Variants in LVRN observed in about 807,000 individuals in gnomAD.
LVRN encodes aminopeptidase Q.
LVRN carries 99 observed loss-of-function variants against 111.4 expected under a neutral mutation model. The observed-to-expected ratio is 0.89, with a 90% CI of 0.76 to 1.05. The LOEUF (loss-of-function observed/expected upper bound fraction) is 1.05, where lower values mean the gene tolerates loss of function less well. Ranked by LOEUF, LVRN falls within the 50% of genes least tolerant of loss-of-function variation. The pLI, the probability that LVRN is intolerant of heterozygous loss-of-function variation, is 0.00. For missense variants in LVRN, 1,414 were observed against 1,206.8 expected, an observed-to-expected ratio of 1.17 and a Z score of -2.54; for synonymous variants, 488 against 449.5, an observed-to-expected ratio of 1.09 and a Z score of -1.08.
chr5:115,973,477 G>C (rs140185095), intron 1 of LVRN, among the ~76,000 whole-genome samples: 3,068 of 152,136 alleles, frequency 0.02, 33 homozygotes, highest in Non-Finnish European at 0.03. Context: ...ATATAAAATT[G>C]GTAATATTTC....
At chr5:115,979,977 C>T (rs1207697627) in intron 1 of LVRN, among the ~76,000 whole-genome samples, 2 of 152,036 alleles carry the variant, frequency 1.3e-5, no homozygotes, top group Admixed American at 6.6e-5. Flanking sequence ...TTCTTGACCA[C>T]AAAGAAAGCA....
At chr5:115,989,877 T>C (rs1184093666) in intron 4 of LVRN, among the ~76,000 whole-genome samples, 1 of 152,214 alleles carries the variant, frequency 6.6e-6, no homozygotes, top group East Asian at 1.9e-4. Context: ...CTAATGTTTC[T>C]TAATTGCTTT....
Position 115,979,385 on chromosome 5 carries a change from G to T in LVRN, c.696-3902G>T, listed in dbSNP as rs571160623. Among the ~76,000 whole-genome samples, 5 of 152,134 alleles carry T rather than the reference G, an allele frequency of 3.3e-5. No homozygotes were observed. The South Asian group carries it at 8.4e-4, about 26-fold the overall frequency. On this transcript the variant is annotated intron_variant, in intron 1 of 19. Transcript: ENST00000357872. ...TCTCCTCCAAGCCCATAGTTAGAAG[G>T]TTGCCCCTCCTCCCAACTCCCTGAG...
At chr5:116,004,251 C>CA (rs1748308959) in intron 12 of LVRN, among the ~76,000 whole-genome samples, 1 of 152,184 alleles carries the variant, frequency 6.6e-6, no homozygotes, top group African/African-American at 2.4e-5. Context: ...AGTAACTATG[C>CA]AGTGTATAAA....
intron 10 of LVRN, among the ~76,000 whole-genome samples, 194 bp downstream of exon 10, chr5:116,001,433 C>T (rs907243951): frequency 6.6e-6 from 1 of 152,178 alleles, no homozygotes; most frequent in African/African-American, 2.4e-5. Context: ...ATTCAAGACA[C>T]AGTGCCCCTA....
intron 18 of LVRN, among the ~76,000 whole-genome samples, chr5:116,017,624 A>C (rs959082153): frequency 2.6e-5 from 4 of 152,226 alleles, no homozygotes; most frequent in Non-Finnish European, 5.9e-5. Context: ...AATCAGATCA[A>C]TCTTAGGATG....
rs779099047 is a variant in LVRN, at chr5:115,963,231, A to T, written c.614A>T (p.Gln205Leu). The change falls in exon 1 of 20, where the codon CAG becomes CTG. Residue 205 changes from glutamine (Q) to leucine (L), a missense_variant. By Grantham distance (113) the Gln-to-Leu change is moderately radical (BLOSUM62 -2). Transcript: ENST00000357872. ...AAACCTGGTAGCAGCTACGAGCTGCAGCTTAGCTTCTCGGGCCTGGTGAAG... is the reference window on the plus strand; with the variant it reads ...AAACCTGGTAGCAGCTACGAGCTGCTGCTTAGCTTCTCGGGCCTGGTGAAG... ...PLKPGSSYEL[Q>L]LSFSGLVKED... The T allele has an allele frequency of 3.1e-6, 5 of 1,612,894 alleles. No individual in the cohort carries two copies. The highest frequency in any genetic ancestry group is 4.2e-6 in the Non-Finnish European group (5 of 1,179,886).
At chr5:116,018,534 T>C (rs1580401512) in intron 18 of LVRN, among the ~76,000 whole-genome samples, 1 of 152,110 alleles carries the variant, frequency 6.6e-6, no homozygotes, top group East Asian at 1.9e-4. Context: ...TAGCCAGGCA[T>C]GGTGGCACAT....
Position 116,015,746 on chromosome 5 carries a change from TG to T in LVRN, c.2739del (p.Trp913CysfsTer4). 6.2e-7 allele frequency: 1 copy of T among 1,613,462 alleles called. No individual in the cohort carries two copies. Among genetic ancestry groups the T allele is most frequent in the Non-Finnish European group, 8.5e-7 (1 of 1,179,598 alleles). Reference sequence around the variant, plus strand: ...CGCAAAAGACTTCTTAGTCAACAACTGGCAAGCTGTGAGTAAAAGGTAAGAA... The same window carrying T: ...CGCAAAAGACTTCTTAGTCAACAACTGCAAGCTGTGAGTAAAAGGTAAGAA... The part of the protein sequence containing the change: ...YVAKDFLVNN[W>X]QAVSKRYGTQ... On this transcript the variant is annotated frameshift_variant, in exon 18 of 20. Transcript: ENST00000357872. LOFTEE classifies it high-confidence loss of function.
chr5:115,993,468 T>C (rs573724440), intron 5 of LVRN, among the ~76,000 whole-genome samples: 1 of 152,344 alleles, frequency 6.6e-6, no homozygotes, highest in Non-Finnish European at 1.5e-5. Flanking sequence ...AATGCTATTC[T>C]AGCTGACCTT....
intron 15 of LVRN, among the ~76,000 whole-genome samples, chr5:116,012,739 T>C (rs1337002330): frequency 6.6e-6 from 1 of 152,224 alleles, no homozygotes; most frequent in African/African-American, 2.4e-5. Flanking sequence ...TGGTTGAAAT[T>C]ATAAATGTGT....
intron 18 of LVRN, chr5:116,021,643 A>T (rs1345961014): frequency 2.5e-6 from 1 of 393,990 alleles, no homozygotes; most frequent in Non-Finnish European, 4.9e-6. Context: ...TAACTATTCA[A>T]CTGTCTCTTG....
chr5:116,020,330 A>G (rs1288136966), intron 18 of LVRN, among the ~76,000 whole-genome samples: 2 of 152,210 alleles, frequency 1.3e-5, no homozygotes, highest in Non-Finnish European at 2.9e-5. Context: ...TGATGAAGCA[A>G]TAGTATTTTT....
Position 116,005,421 on chromosome 5 carries a change from G to T in LVRN, c.2038-491G>T, listed in dbSNP as rs549505649. Among the ~76,000 whole-genome samples, 45 of 152,328 alleles carry T rather than the reference G, an allele frequency of 3.0e-4. 1 individual carries two copies. Among genetic ancestry groups the T allele is most frequent in the African/African-American group, 1.0e-3 (42 of 41,570 alleles). On this transcript the variant is annotated intron_variant, in intron 12 of 19. Transcript: ENST00000357872. ...CCCTGCCATTCCATGGATGTAAAGG[G>T]ATCTGTTGGTGGCATTCTGTCACGT... is the stretch of plus-strand genomic sequence containing the variant.
At position 115,992,446 on chromosome 5, in the gene LVRN, A is replaced by G. The variant is rs766180366; in HGVS notation, c.1260+169A>G. On this transcript the variant is annotated intron_variant, in intron 5 of 19. Coordinates refer to ENST00000357872, the MANE Select transcript of LVRN (RefSeq NM_173800.5). Reference sequence around the variant, plus strand: ...TGGGGAAGACTCAGATTCAGGGTGGATTTGAGCTACTGGTGACAGATCATA... The same window carrying G: ...TGGGGAAGACTCAGATTCAGGGTGGGTTTGAGCTACTGGTGACAGATCATA... 2.4e-4 allele frequency among the ~76,000 whole-genome samples: 37 copies of G among 152,196 alleles called. 1 individual carries two copies. Among genetic ancestry groups the G allele is most frequent in the Non-Finnish European group, 4.3e-4 (29 of 68,028 alleles).
intron 13 of LVRN, among the ~76,000 whole-genome samples, chr5:116,006,506 C>G (rs539999967): frequency 6.6e-6 from 1 of 152,104 alleles, no homozygotes; most frequent in Non-Finnish European, 1.5e-5. Context: ...TGAAATTCCT[C>G]TCTCTGTCTC....
At chr5:115,982,619 C>T (rs1029269345) in intron 1 of LVRN, among the ~76,000 whole-genome samples, 1 of 152,088 alleles carries the variant, frequency 6.6e-6, no homozygotes, top group Non-Finnish European at 1.5e-5. Flanking sequence ...TTCTCGTCTG[C>T]TCGGGGTATT....
chr5:115,986,182 A>G (rs916043626), intron 3 of LVRN, among the ~76,000 whole-genome samples: 4 of 152,222 alleles, frequency 2.6e-5, no homozygotes, highest in Admixed American at 1.3e-4. Flanking sequence ...TGATTTTCCT[A>G]TTGAATAATT....
chr5:116,006,232 A>G (rs537213511), intron 13 of LVRN, among the ~76,000 whole-genome samples: 57 of 152,304 alleles, frequency 3.7e-4, no homozygotes, highest in African/African-American at 1.4e-3. Flanking sequence ...GTATTTTAAT[A>G]TATTGCAGAA....
Sources: gnomAD v4.1 joint callset for allele counts (sites outside exome capture counted in the v4.1 genomes callset) on GRCh38, gnomAD v4.1.1 for gene constraint, MANE v1.5 for transcripts, NCBI Gene and HGNC (gene_info 2026-07-23, HGNC 2026-07-21) for gene names.